C3orf22: variants seen among roughly 807,000 people sequenced by gnomAD.
The protein encoded by C3orf22 is uncharacterized protein C3orf22.
C3orf22 carries 7 observed loss-of-function variants against 10.8 expected under a neutral mutation model. That is an observed-to-expected ratio of 0.65 (90% CI 0.37 to 1.22). The LOEUF (loss-of-function observed/expected upper bound fraction) is 1.22. Ranked by LOEUF, C3orf22 falls within the 50% of genes most tolerant of loss-of-function variation. The pLI is 0.02. For synonymous variants in C3orf22, 79 were observed against 78.9 expected (o/e 1.00, Z 0.00); for missense variants, 173 against 177.0 (o/e 0.98, Z 0.13).
intron 1 of C3orf22, among the ~76,000 whole-genome samples, chr3:126,554,905 C>A (rs1937290640): frequency 6.6e-6 from 1 of 152,200 alleles, no homozygotes; most frequent in Non-Finnish European, 1.5e-5. Context: ...GGGACTAGCA[C>A]CATCCAGTAG....
intron 4 of C3orf22, chr3:126,542,579 C>G (rs201021354): frequency 1.0e-5 from 15 of 1,482,076 alleles, no homozygotes; most frequent in Non-Finnish European, 1.3e-5. Flanking sequence ...GCTGCTCTAG[C>G]GGTCCTGGAG....
In C3orf22 at chr3:126,529,142, GCGCGAGCCCTGCTTTGGC is replaced by G. The variant is rs373765799; in HGVS notation, c.*190_*207del. On this transcript the variant is annotated 3_prime_UTR_variant and NMD_transcript_variant, in exon 5 of 6. Coordinates refer to the C3orf22 transcript ENST00000505070. ...TGGCTGTGCCCTCACCCTGCACAGG[GCGCGAGCCCTGCTTTGGC>G]TGAGGTGGGTGTGCAGAGGAGGATG... The G allele has an allele frequency of 1.0e-2, 3,765 of 378,130 alleles. 82 individuals are homozygous for G. The highest frequency in any genetic ancestry group is 0.085 in the African/African-American group (3,197 of 37,552). The allele number at this position is 378,130 out of a possible 1,614,324, so 23.4% of individuals were successfully genotyped here. A position where few individuals can be genotyped will look rare whatever the true frequency, so the allele number is the denominator to read the frequency against.
intron 4 of C3orf22, among the ~76,000 whole-genome samples, chr3:126,540,737 G>T (rs1936940490): frequency 6.6e-6 from 1 of 152,150 alleles, no homozygotes; most frequent in Admixed American, 6.5e-5. Flanking sequence ...ATATGCCTAG[G>T]ACCGGAATTG....
intron 4 of C3orf22, among the ~76,000 whole-genome samples, chr3:126,540,152 T>C (rs1936927481): frequency 6.6e-6 from 1 of 152,052 alleles, no homozygotes; most frequent in Non-Finnish European, 1.5e-5. Context: ...AAGCAGGCCC[T>C]GGCTCTGGTG....
At chr3:126,544,842 C>T (rs2107575832), downstream of C3orf22, among the ~76,000 whole-genome samples, 1 of 152,384 alleles carries the variant, frequency 6.6e-6, no homozygotes, top group South Asian at 2.1e-4. Context: ...ATGCTGCAGG[C>T]ACCCAGTGTC....
Position 126,549,704 on chromosome 3 carries a change from T to G in C3orf22, c.*164A>C. The G allele has an allele frequency of 6.6e-7, 1 of 1,525,112 alleles. No individual in the cohort carries two copies. The highest frequency in any genetic ancestry group is 8.8e-7 in the Non-Finnish European group (1 of 1,140,124). 94.5% of individuals were successfully genotyped at this position (1,525,112 alleles called of 1,614,324 possible). On this transcript the variant is annotated 3_prime_UTR_variant, in exon 4 of 4. Coordinates refer to ENST00000318225, the MANE Select transcript of C3orf22 (RefSeq NM_152533.3). ...TTCCAGCTGGAAGTGGGGTGGGAACTCGCAGTTTATTAGCTTGGTGTAGCT... is the reference window on the plus strand; with the variant it reads ...TTCCAGCTGGAAGTGGGGTGGGAACGCGCAGTTTATTAGCTTGGTGTAGCT...
chr3:126,535,361 C>G (rs886186328), intron 4 of C3orf22, among the ~76,000 whole-genome samples: 2 of 149,344 alleles, frequency 1.3e-5, no homozygotes, highest in South Asian at 2.1e-4. Flanking sequence ...GGGAGACACA[C>G]AGACAGCATC....
intron 4 of C3orf22, among the ~76,000 whole-genome samples, chr3:126,541,310 C>T (rs1245980353): frequency 6.6e-6 from 1 of 152,126 alleles, no homozygotes; most frequent in Non-Finnish European, 1.5e-5. Flanking sequence ...CAAAGCAGCC[C>T]GACAGCCCAC....
At chr3:126,555,093 C>T (rs1937295232) in intron 1 of C3orf22, among the ~76,000 whole-genome samples, 1 of 152,226 alleles carries the variant, frequency 6.6e-6, no homozygotes, top group Admixed American at 6.5e-5. Context: ...TTGGACAGCA[C>T]AGCTCTGGCC....
At chr3:126,541,176 C>T (rs1405720190) in intron 4 of C3orf22, among the ~76,000 whole-genome samples, 1 of 152,174 alleles carries the variant, frequency 6.6e-6, no homozygotes, top group Non-Finnish European at 1.5e-5. Context: ...GAGGGACAGG[C>T]TCAGAAGGGG....
At chr3:126,550,706 C>T (rs139075391) in intron 3 of C3orf22, among the ~76,000 whole-genome samples, 1 of 152,352 alleles carries the variant, frequency 6.6e-6, no homozygotes, top group African/African-American at 2.4e-5. Context: ...TGGAAACCCA[C>T]CAATGCCCAC....
intron 4 of C3orf22, among the ~76,000 whole-genome samples, chr3:126,530,288 A>T (rs914186239): frequency 1.3e-5 from 2 of 151,968 alleles, no homozygotes; most frequent in Non-Finnish European, 2.9e-5. Flanking sequence ...TTTCCCTTCT[A>T]CCCACTGGCC....
chr3:126,531,238 G>A (rs1192921538), intron 4 of C3orf22, among the ~76,000 whole-genome samples: 5 of 152,228 alleles, frequency 3.3e-5, no homozygotes, highest in African/African-American at 1.2e-4. Context: ...CTCTAGAGGT[G>A]GGGCCCGGGA....
chr3:126,555,030 T>C (rs151057822), intron 1 of C3orf22, among the ~76,000 whole-genome samples: 1 of 152,334 alleles, frequency 6.6e-6, no homozygotes, highest in East Asian at 1.9e-4. Flanking sequence ...TTCAGTTGTA[T>C]TTAATTCTAA....
chr3:126,555,436 G>A (rs952475302), intron 1 of C3orf22, among the ~76,000 whole-genome samples: 1 of 152,198 alleles, frequency 6.6e-6, no homozygotes, highest in African/African-American at 2.4e-5. Context: ...CCCCGCTCCA[G>A]CATGGAACTG....
chr3:126,557,370 C>T (rs1031636460), intron 1 of C3orf22, among the ~76,000 whole-genome samples: 1 of 152,252 alleles, frequency 6.6e-6, no homozygotes, highest in Admixed American at 6.5e-5. Flanking sequence ...CCGATGATGT[C>T]TGGAGAGGAG....
At position 126,542,216 on chromosome 3, in the gene C3orf22, G is replaced by A. The variant is rs755426222; in HGVS notation, c.286+7321C>T. 16 of 1,479,114 alleles carry A rather than the reference G, an allele frequency of 1.1e-5. No individual in the cohort carries two copies. Among genetic ancestry groups the A allele is most frequent in the Admixed American group, 2.5e-5 (1 of 40,740 alleles). The allele number at this position is 1,479,114 out of a possible 1,614,324, so 91.6% of individuals were successfully genotyped here. On this transcript the variant is annotated intron_variant and NMD_transcript_variant, in intron 4 of 5. Coordinates refer to the C3orf22 transcript ENST00000505070. ...CCCCGACGCCCGGGCCCGCGGCCAC[G>A]ACGTGCGCTTCGCGGAGTTCCTGGC... is the stretch of plus-strand genomic sequence containing the variant.
At chr3:126,548,967 C>G (rs1559752584), downstream of C3orf22, among the ~76,000 whole-genome samples, 1 of 152,202 alleles carries the variant, frequency 6.6e-6, no homozygotes, top group East Asian at 1.9e-4. Context: ...CCAAGGAACT[C>G]CAAGGTGACT....
intron 4 of C3orf22, chr3:126,541,830 C>A (rs374324912): frequency 3.2e-6 from 5 of 1,570,294 alleles, no homozygotes; most frequent in Non-Finnish European, 3.5e-6. Flanking sequence ...CTGCTACAGC[C>A]GGAGGACCTG....
Sources: allele counts gnomAD v4.1 joint callset (sites outside exome capture counted in the v4.1 genomes callset), GRCh38; gene constraint gnomAD v4.1.1; transcripts MANE v1.5; gene names NCBI Gene and HGNC (gene_info 2026-07-23, HGNC 2026-07-21).